The following CCR5AS variants were observed in gnomAD, a reference collection of about 807,000 sequenced individuals.
The protein encoded by CCR5AS is CCR5 antisense RNA.
chr3:46,398,009 G>A (rs1018505974), intron 1 of CCR5AS, among the ~76,000 whole-genome samples: 6 of 152,184 alleles, frequency 3.9e-5, no homozygotes, highest in East Asian at 1.9e-4. Context: ...ATGTGGAGCC[G>A]GAACTGAGAG....
chr3:46,397,289 C>G (rs1394161457), intron 1 of CCR5AS, among the ~76,000 whole-genome samples: 1 of 152,222 alleles, frequency 6.6e-6, no homozygotes, highest in African/African-American at 2.4e-5. Flanking sequence ...GCCAGTGCCA[C>G]GAGGACAGAG....
At chr3:46,403,672 G>A (rs1469560304) in intron 1 of CCR5AS, among the ~76,000 whole-genome samples, 6 of 152,190 alleles carry the variant, frequency 3.9e-5, no homozygotes, top group Non-Finnish European at 5.9e-5. Flanking sequence ...GGCAGGTTGG[G>A]GCTGCTGAGC....
intron 2 of CCR5AS, among the ~76,000 whole-genome samples, chr3:46,382,471 CACT>C (rs1186418965): frequency 6.6e-6 from 1 of 152,206 alleles, no homozygotes; most frequent in Non-Finnish European, 1.5e-5. Context: ...CTCTTAAACT[CACT>C]GCTCATGTGT....
intron 2 of CCR5AS, among the ~76,000 whole-genome samples, chr3:46,379,923 A>C (rs1404890235): frequency 6.6e-6 from 1 of 150,550 alleles, no homozygotes; most frequent in Admixed American, 6.7e-5. Context: ...TAAATAAATA[A>C]ATAAATAAAT....
At chr3:46,389,562 G>C (rs1001352527) in intron 2 of CCR5AS, among the ~76,000 whole-genome samples, 2 of 152,222 alleles carry the variant, frequency 1.3e-5, no homozygotes, top group Non-Finnish European at 2.9e-5. Flanking sequence ...CCTGGATCCT[G>C]TGTGAGGACT....
chr3:46,402,371 A>G (rs560732910), intron 1 of CCR5AS, among the ~76,000 whole-genome samples: 1 of 152,364 alleles, frequency 6.6e-6, no homozygotes, highest in East Asian at 1.9e-4. Context: ...CCTTAAAATT[A>G]TATGCCATTA....
chr3:46,381,224 G>T (rs1266651545), intron 2 of CCR5AS, among the ~76,000 whole-genome samples: 1 of 152,176 alleles, frequency 6.6e-6, no homozygotes, highest in East Asian at 1.9e-4. Flanking sequence ...GGGCCTGTCT[G>T]AGATGTTTCT....
chr3:46,405,304 A>T (rs1702034584), intron 1 of CCR5AS, among the ~76,000 whole-genome samples: 1 of 152,204 alleles, frequency 6.6e-6, no homozygotes, highest in Non-Finnish European at 1.5e-5. Context: ...CACACCTCAC[A>T]TGATTCTGTG....
At position 46,373,208 on chromosome 3, in the gene CCR5AS, A is replaced by G. The variant is rs747065935; in HGVS notation, n.392-1791T>C. The G allele has an allele frequency of 6.8e-6, 11 of 1,613,968 alleles. No individual in the cohort carries two copies. The Admixed American group carries it at 1.0e-4, about 15-fold the overall frequency. On this transcript the variant is annotated intron_variant and non_coding_transcript_variant, in intron 2 of 3. Transcript: ENST00000451485. The stretch of plus-strand genomic sequence containing the variant: ...GGGACTTTGGAAATACAATGTGTCA[A>G]CTCTTGACAGGGCTCTATTTTATAG...
At chr3:46,373,104 T>C (rs758090461) in intron 2 of CCR5AS, 15 of 1,614,096 alleles carry the variant, frequency 9.3e-6, no homozygotes, top group Middle Eastern at 1.6e-4. Flanking sequence ...GACTGACATC[T>C]ACCTGCTCAA....
At chr3:46,385,738 A>AT (rs1701855214) in intron 2 of CCR5AS, among the ~76,000 whole-genome samples, 1 of 151,094 alleles carries the variant, frequency 6.6e-6, no homozygotes, top group African/African-American at 2.4e-5. Context: ...TTATTTATTT[A>AT]TTATTTATTT....
At chr3:46,387,167 A>G (rs1001007) in intron 2 of CCR5AS, among the ~76,000 whole-genome samples, 94,643 of 151,932 alleles carry the variant, frequency 0.62, 29,745 homozygotes, top group African/African-American at 0.7. Flanking sequence ...ATGAATTCTA[A>G]GTGTGTACTA....
chr3:46,366,571 T>A (rs531014079), intron 3 of CCR5AS, among the ~76,000 whole-genome samples: 2 of 152,284 alleles, frequency 1.3e-5, no homozygotes, highest in Middle Eastern at 3.4e-3. Context: ...CATGTCCACT[T>A]GGTTTGATGA....
At chr3:46,365,562 C>T (rs752678164) in intron 3 of CCR5AS, among the ~76,000 whole-genome samples, 2 of 152,172 alleles carry the variant, frequency 1.3e-5, no homozygotes, top group Non-Finnish European at 2.9e-5. Flanking sequence ...GCTGAACTCA[C>T]AATCTCACCA....
intron 2 of CCR5AS, chr3:46,374,155 A>G (rs112622745): frequency 2.9e-5 from 12 of 418,566 alleles, no homozygotes; most frequent in African/African-American, 1.8e-4. Context: ...TCAATTATAG[A>G]AAGCCAAATC....
In CCR5AS at chr3:46,401,587, A is replaced by G. The variant is rs1321721716; in HGVS notation, n.163+5310T>C. ...CCTCTCCAAGGGATGGGCCTATCAT[A>G]GTGTCCCTAATAGTGTCATGGAGTG... On this transcript the variant is annotated intron_variant and non_coding_transcript_variant, in intron 1 of 3. Transcript: ENST00000451485. Among the ~76,000 whole-genome samples, 3 of 152,176 alleles carry G rather than the reference A, an allele frequency of 2.0e-5. No homozygotes were observed. In the East Asian group the frequency reaches 5.8e-4, roughly 29 times the overall value.
At chr3:46,373,469 C>T (rs1327834789) in intron 2 of CCR5AS, 5 of 1,316,244 alleles carry the variant, frequency 3.8e-6, no homozygotes, top group Admixed American at 1.8e-5. Flanking sequence ...AGTATCAATT[C>T]TGGAAGAATT....
intron 2 of CCR5AS, chr3:46,373,475 G>A: frequency 7.6e-7 from 1 of 1,316,284 alleles, no homozygotes; most frequent in Non-Finnish European, 1.1e-6. Context: ...AATTCTGGAA[G>A]AATTTCCAGA....
intron 1 of CCR5AS, among the ~76,000 whole-genome samples, chr3:46,398,912 A>G (rs1319545141): frequency 6.6e-6 from 1 of 152,204 alleles, no homozygotes; most frequent in African/African-American, 2.4e-5. Flanking sequence ...GCATATCTCT[A>G]AAGCACCATG....
Sources: allele counts gnomAD v4.1 joint callset (sites outside exome capture counted in the v4.1 genomes callset), GRCh38; gene constraint gnomAD v4.1.1; transcripts MANE v1.5; gene names NCBI Gene and HGNC (gene_info 2026-07-23, HGNC 2026-07-21).